The following KLHL15 variants were observed in gnomAD, a reference collection of about 807,000 sequenced individuals.
The protein encoded by KLHL15 is kelch-like protein 15.
Under a neutral mutation model 29.3 loss-of-function variants are expected in KLHL15, and 1 was observed. The observed-to-expected ratio is 0.03, with a 90% confidence interval of 0.01 to 0.16. The LOEUF is 0.16. KLHL15 is among the 10% of genes least tolerant of loss of function. The probability of loss-of-function intolerance (pLI) is 1.00; values close to 1 mark genes in which losing one functional copy is unlikely to be tolerated. For synonymous variants in KLHL15, 212 were observed against 184.5 expected (o/e 1.15, Z -1.21); for missense variants, 215 against 478.5 (o/e 0.45, Z 5.14).
intron 2 of KLHL15, among the ~76,000 whole-genome samples, chrX:24,010,562 T>C (rs1485693405): frequency 8.9e-6 from 1 of 112,337 alleles, no homozygotes; most frequent in Non-Finnish European, 1.9e-5. Context: ...TTTTAAGCAC[T>C]TTCTAGAATA....
At chrX:23,993,209 A>AGGCTTC (rs5901742) in intron 3 of KLHL15, among the ~76,000 whole-genome samples, 11,500 of 110,790 alleles carry the variant, frequency 0.1, 656 homozygotes, top group African/African-American at 0.22. Flanking sequence ...GGGATCCTTG[A>AGGCTTC]GGCTTCATAG....
At position 23,988,926 on chromosome X, in the gene KLHL15, C is replaced by T; in HGVS notation, c.810G>A (p.Met270Ile). 8.3e-7 allele frequency: 1 copy of T among 1,211,805 alleles called. No homozygotes were observed. The highest frequency in any genetic ancestry group is 2.2e-5 in the Admixed American group (1 of 45,988). Residue 270 changes from methionine to isoleucine, a missense_variant, in exon 4 of 4, where the codon ATG becomes ATA. By Grantham distance (10) the Met-to-Ile change is conservative. Transcript: ENST00000328046. ...TTGCAGAACGGATGCGGCTTGACTT[C>T]ATATCCAACAAAGGCTGCTGGTGAA... ...QNVHQQPLLD[M>I]KSSRIRSAKP...
chrX:24,011,176 AAAAAAAG>A (rs1476286446), intron 2 of KLHL15, among the ~76,000 whole-genome samples: 30 of 109,254 alleles, frequency 2.7e-4, no homozygotes, highest in Middle Eastern at 4.7e-3. Context: ...TCAAAAAAAA[AAAAAAAG>A]AAAAAAGAAA....
At chrX:23,999,349 A>C (rs1427776831) in intron 3 of KLHL15, among the ~76,000 whole-genome samples, 1 of 108,123 alleles carries the variant, frequency 9.2e-6, no homozygotes, top group Non-Finnish European at 1.9e-5. Context: ...TAATCCCAGC[A>C]CTTTGGGAGG....
At chrX:24,026,010 CTTT>C (rs769309152) in intron 1 of KLHL15, among the ~76,000 whole-genome samples, 1 of 111,134 alleles carries the variant, frequency 9.0e-6, no homozygotes, top group East Asian at 2.9e-4. Context: ...AGGAAAGTGT[CTTT>C]TTGCATCTTG....
chrX:23,997,607 C>G (rs892114045), intron 3 of KLHL15, among the ~76,000 whole-genome samples: 1 of 103,419 alleles, frequency 9.7e-6, no homozygotes, highest in Non-Finnish European at 2.0e-5. Flanking sequence ...GGTGTGCACC[C>G]GTAGTCCCAG....
At chrX:23,990,748 GTA>G (rs2147096781) in intron 3 of KLHL15, among the ~76,000 whole-genome samples, 1 of 110,386 alleles carries the variant, frequency 9.1e-6, no homozygotes, top group East Asian at 2.9e-4. Flanking sequence ...AAAACCAGGT[GTA>G]TATATTTATG....
chrX:24,002,713 G>A (rs1474437468), intron 3 of KLHL15, among the ~76,000 whole-genome samples: 2 of 108,534 alleles, frequency 1.8e-5, no homozygotes, highest in African/African-American at 3.4e-5. Flanking sequence ...CTGCAACCTC[G>A]ACCTCCTGGG....
At chrX:24,025,693 A>ACGGGAG (rs1367030181) in intron 1 of KLHL15, among the ~76,000 whole-genome samples, 20 of 92,003 alleles carry the variant, frequency 2.2e-4, no homozygotes, top group African/African-American at 4.4e-4. Context: ...TTCCGGCGCC[A>ACGGGAG]CGGGAGCGGG....
chrX:24,007,511 ATAT>A (rs1569268153), intron 2 of KLHL15, among the ~76,000 whole-genome samples: 7 of 51,040 alleles, frequency 1.4e-4, no homozygotes, highest in South Asian at 1.9e-3. Context: ...AAAAAAAAAT[ATAT>A]ATATATATAT....
chrX:24,011,167 CA>C (rs200250064), intron 2 of KLHL15, among the ~76,000 whole-genome samples: 8,326 of 53,824 alleles, frequency 0.15, 491 homozygotes, highest in African/African-American at 0.29. Context: ...AAAGTCATCT[CA>C]AAAAAAAAAA....
chrX:23,983,820 T>C lies in KLHL15; in HGVS notation c.*4101A>G, dbSNP rs1253886880. The C allele has an allele frequency of 4.5e-5, 5 of 112,160 alleles. No individual in the cohort carries two copies. Among genetic ancestry groups the C allele is most frequent in the South Asian group, 7.3e-4 (2 of 2,753 alleles). The allele number at this position is 112,160 out of a possible 1,213,427, so 9.2% of individuals were successfully genotyped here. A position where few individuals can be genotyped will look rare whatever the true frequency, so the allele number is the denominator to read the frequency against. ...AATGGATAGCATAAACATGTTTGAA[T>C]AGATTATATCCACGGCTTGGGAAAA... On this transcript the variant is annotated 3_prime_UTR_variant, in exon 4 of 4. Transcript: ENST00000328046.
intron 3 of KLHL15, among the ~76,000 whole-genome samples, chrX:24,001,948 A>G (rs1602005175): frequency 1.9e-5 from 2 of 107,562 alleles, no homozygotes; most frequent in Non-Finnish European, 3.8e-5. Context: ...CCTGGCTAAC[A>G]CAGTGAAACC....
In KLHL15 at chrX:24,006,029, A is replaced by T; in HGVS notation, c.665T>A (p.Ile222Asn). 1 of 1,210,544 alleles carries T rather than the reference A, an allele frequency of 8.3e-7. No homozygotes were observed. ...WRHTDTIIQN[I>N]RFCLMTPTSV... is the part of the protein sequence containing the mutation. The stretch of plus-strand genomic sequence containing the variant: ...GGTTGGGGTCATCAAGCAAAACCGG[A>T]TATTCTGAATGATGGTATCGGTATG... The change falls in exon 3 of 4, where the codon ATC becomes AAC. Residue 222 changes from isoleucine to asparagine, a missense_variant. Physicochemically the swap from Ile to Asn is moderately radical, Grantham distance 149. Transcript: ENST00000328046.
In KLHL15 at chrX:23,989,032, TA is replaced by T; in HGVS notation, c.706-3del. Reference sequence around the variant, plus strand: ...TCTATAAAATTCTGATGTCTTAACCTAAGAACACAAGAAAAAGAATTTAACC... The same window carrying T: ...TCTATAAAATTCTGATGTCTTAACCTAGAACACAAGAAAAAGAATTTAACC... On this transcript the variant is annotated splice_polypyrimidine_tract_variant and splice_region_variant and intron_variant, in intron 3 of 3. Coordinates refer to ENST00000328046, the MANE Select transcript of KLHL15 (RefSeq NM_030624.3). 1.7e-6 allele frequency: 2 copies of T among 1,176,242 alleles called. No homozygotes were observed. The highest frequency in any genetic ancestry group is 1.9e-5 in the South Asian group (1 of 52,140).
At chrX:23,994,820 G>A (rs978129166) in intron 3 of KLHL15, among the ~76,000 whole-genome samples, 15 of 110,962 alleles carry the variant, frequency 1.4e-4, no homozygotes, top group African/African-American at 4.6e-4. Context: ...TCAGTGGTCT[G>A]AAAAAAAATT....
chrX:23,995,915 T>C (rs1040689226), intron 3 of KLHL15, among the ~76,000 whole-genome samples: 2 of 110,362 alleles, frequency 1.8e-5, no homozygotes, highest in African/African-American at 6.6e-5. Context: ...GCCCGGCTAA[T>C]TTTTTGTATT....
chrX:24,013,780 G>T (rs768447783), intron 2 of KLHL15, among the ~76,000 whole-genome samples: 5 of 109,930 alleles, frequency 4.5e-5, no homozygotes, highest in African/African-American at 9.9e-5. Context: ...GGCCAAGGCG[G>T]GAGGATTGCT....
In KLHL15 at chrX:24,006,211, G is replaced by A; in HGVS notation, c.483C>T (p.Asn161=). Residue 161 remains asparagine, a synonymous_variant, in exon 3 of 4, where the codon AAC becomes AAT. Coordinates refer to ENST00000328046, the MANE Select transcript of KLHL15 (RefSeq NM_030624.3). ...CAGGCCTAGACATGAGTGGCACAAA[G>A]TTGTCTAGCAGAAAGGTGTCTAACT... ...REKLDTFLLD[N]FVPLMSRPDF... is the part of the protein sequence containing the mutation. 1 of 1,211,355 alleles carries A rather than the reference G, an allele frequency of 8.3e-7. No homozygotes were observed.
Sources: gnomAD v4.1 joint callset for allele counts (sites outside exome capture counted in the v4.1 genomes callset) on GRCh38, gnomAD v4.1.1 for gene constraint, MANE v1.5 for transcripts, NCBI Gene and HGNC (gene_info 2026-07-23, HGNC 2026-07-21) for gene names.